Variants in CNTN3 observed in about 807,000 individuals in gnomAD.
The protein encoded by CNTN3 is contactin 3.
CNTN3 carries 60 observed loss-of-function variants against 119.1 expected under a neutral mutation model. The ratio of observed to expected loss-of-function variants is 0.50; its 90% confidence interval spans 0.41 to 0.62. CNTN3 has a LOEUF of 0.62. CNTN3 is among the 20% of genes least tolerant of loss of function. The pLI, the probability that CNTN3 is intolerant of heterozygous loss-of-function variation, is 0.00. For missense variants in CNTN3, 1,101 were observed against 1,242.4 expected, an observed-to-expected ratio of 0.89 and a Z score of 1.71; for synonymous variants, 450 against 438.7, an observed-to-expected ratio of 1.03 and a Z score of -0.32.
At chr3:74,276,560 T>A (rs1423494836) in intron 20 of CNTN3, among the ~76,000 whole-genome samples, 1 of 150,804 alleles carries the variant, frequency 6.6e-6, no homozygotes, top group Non-Finnish European at 1.5e-5. Flanking sequence ...GAAATCAAGA[T>A]GGAAATTAAA....
chr3:74,422,705 A>C (rs901438006), intron 5 of CNTN3, among the ~76,000 whole-genome samples: 6 of 152,170 alleles, frequency 3.9e-5, no homozygotes, highest in Non-Finnish European at 8.8e-5. Context: ...CACCTATAAA[A>C]CTGATCACAA....
chr3:74,601,572 A>C (rs2106704404), intron 1 of CNTN3, among the ~76,000 whole-genome samples: 1 of 152,270 alleles, frequency 6.6e-6, no homozygotes, highest in Middle Eastern at 3.4e-3. Context: ...AAGGCAACTA[A>C]AAACTAGAGG....
intron 1 of CNTN3, among the ~76,000 whole-genome samples, chr3:74,573,230 G>T (rs1270936714): frequency 6.6e-6 from 1 of 151,966 alleles, no homozygotes; most frequent in Non-Finnish European, 1.5e-5. Context: ...CAGAGAAAGG[G>T]GTGGGAAGGA....
intron 11 of CNTN3, among the ~76,000 whole-genome samples, chr3:74,352,825 A>G (rs2106751890): frequency 6.6e-6 from 1 of 152,324 alleles, no homozygotes; most frequent in East Asian, 1.9e-4. Context: ...ATACAAAAGC[A>G]AAAGACTCAC....
chr3:74,422,446 T>C (rs1243864588), intron 5 of CNTN3, among the ~76,000 whole-genome samples: 1 of 152,180 alleles, frequency 6.6e-6, no homozygotes, highest in Non-Finnish European at 1.5e-5. Flanking sequence ...CTACCTGAAG[T>C]CACCAAAGGC....
At chr3:74,295,866 C>T (rs1702328215) in intron 18 of CNTN3, among the ~76,000 whole-genome samples, 1 of 152,156 alleles carries the variant, frequency 6.6e-6, no homozygotes, top group African/African-American at 2.4e-5. Flanking sequence ...AATCTCCCCT[C>T]CCTCAGGTGC....
chr3:74,367,433 C>T (rs1406088219), intron 8 of CNTN3, among the ~76,000 whole-genome samples: 1 of 151,994 alleles, frequency 6.6e-6, no homozygotes, highest in African/African-American at 2.4e-5. Context: ...TCTATAGAAA[C>T]ATGACATTAT....
chr3:74,449,707 G>A (rs532311599), intron 4 of CNTN3, among the ~76,000 whole-genome samples: 24 of 152,182 alleles, frequency 1.6e-4, no homozygotes, highest in African/African-American at 5.5e-4. Flanking sequence ...GTAAGCCTGG[G>A]TTGGCTGAAG....
intron 5 of CNTN3, among the ~76,000 whole-genome samples, chr3:74,407,462 A>T (rs1262220730): frequency 2.0e-5 from 3 of 146,862 alleles, no homozygotes; most frequent in Non-Finnish European, 3.0e-5. Context: ...TAGTAGAGAC[A>T]GGGTTTCTCC....
chr3:74,446,960 T>A (rs575518665), intron 4 of CNTN3, among the ~76,000 whole-genome samples: 1 of 152,202 alleles, frequency 6.6e-6, no homozygotes, highest in African/African-American at 2.4e-5. Context: ...ATGGATGTAA[T>A]ACAAAATAGT....
chr3:74,598,825 T>C (rs1704855698), intron 1 of CNTN3, among the ~76,000 whole-genome samples: 1 of 152,056 alleles, frequency 6.6e-6, no homozygotes, highest in African/African-American at 2.4e-5. Context: ...CCAGGTAGTG[T>C]GCTGGGCACA....
At chr3:74,288,159 C>CTTTTTTTTTTTTTTT (rs3084509) in intron 19 of CNTN3, among the ~76,000 whole-genome samples, 7 of 90,374 alleles carry the variant, frequency 7.7e-5, no homozygotes, top group South Asian at 5.1e-4. Context: ...CTTTTCTTTT[C>CTTTTTTTTTTTTTTT]TTTTTTTTTT....
intron 4 of CNTN3, among the ~76,000 whole-genome samples, chr3:74,480,338 T>C (rs1368955804): frequency 6.6e-6 from 1 of 152,260 alleles, no homozygotes; most frequent in East Asian, 1.9e-4. Flanking sequence ...CATTTGACTT[T>C]TTATCTTTAC....
At chr3:74,269,474 T>C (rs1401508303) in intron 20 of CNTN3, among the ~76,000 whole-genome samples, 1 of 152,142 alleles carries the variant, frequency 6.6e-6, no homozygotes, top group Middle Eastern at 3.2e-3. Context: ...CTATAATATG[T>C]TAGGGATTAC....
intron 1 of CNTN3, among the ~76,000 whole-genome samples, chr3:74,589,141 A>G (rs1704652489): frequency 6.6e-6 from 1 of 151,984 alleles, no homozygotes. Flanking sequence ...CTGCACAGCA[A>G]AAGAAACTAC....
chr3:74,485,313 T>C (rs974012802), intron 4 of CNTN3, among the ~76,000 whole-genome samples: 1 of 152,062 alleles, frequency 6.6e-6, no homozygotes, highest in Non-Finnish European at 1.5e-5. Context: ...ATATACAAAG[T>C]ACTTTAGTTA....
At chr3:74,570,213 T>C (rs1284985927) in intron 1 of CNTN3, among the ~76,000 whole-genome samples, 1 of 151,868 alleles carries the variant, frequency 6.6e-6, no homozygotes, top group East Asian at 1.9e-4. Flanking sequence ...GACATGTATA[T>C]GGAGGGGGAG....
chr3:74,285,802 T>G (rs1349996836), intron 19 of CNTN3, among the ~76,000 whole-genome samples: 1 of 77,880 alleles, frequency 1.3e-5, no homozygotes, highest in African/African-American at 9.2e-5. Flanking sequence ...TATATATATA[T>G]ATATATATAT....
In CNTN3 at chr3:74,548,944, C is replaced by A. The variant is rs569471807; in HGVS notation, c.-80-27752G>T. Among the ~76,000 whole-genome samples, 15 of 152,198 alleles carry A rather than the reference C, an allele frequency of 9.9e-5. No individual in the cohort carries two copies. The South Asian group carries it at 3.1e-3, about 32-fold the overall frequency. On this transcript the variant is annotated intron_variant, in intron 1 of 22. Coordinates refer to ENST00000263665, the MANE Select transcript of CNTN3 (RefSeq NM_020872.3). ...CCTAGGGATATGGTAACTCTTTCACCCATTGACATGATATACTCTCAAACA... is the reference window on the plus strand; with the variant it reads ...CCTAGGGATATGGTAACTCTTTCACACATTGACATGATATACTCTCAAACA...
Sources: allele counts gnomAD v4.1 joint callset (sites outside exome capture counted in the v4.1 genomes callset), GRCh38; gene constraint gnomAD v4.1.1; transcripts MANE v1.5; gene names NCBI Gene and HGNC (gene_info 2026-07-23, HGNC 2026-07-21).